ATRNL1: variants seen among roughly 807,000 people sequenced by gnomAD.
The protein encoded by ATRNL1 is attractin-like protein 1.
ATRNL1 carries 95 observed loss-of-function variants against 182.7 expected under a neutral mutation model. The ratio of observed to expected loss-of-function variants is 0.52; its 90% CI spans 0.44 to 0.62. The LOEUF is 0.62. Among genes scored for constraint, ATRNL1 ranks in the 20% least tolerant of loss-of-function variants. The probability of loss-of-function intolerance (pLI) is 0.00; values close to 1 mark genes in which losing one functional copy is unlikely to be tolerated. For missense variants in ATRNL1, 1,471 were observed against 1,679.5 expected (o/e 0.88, Z 2.17); for synonymous variants, 576 against 568.3 (o/e 1.01, Z -0.19).
chr10:115,411,531 A>G (rs1554959902), intron 20 of ATRNL1, among the ~76,000 whole-genome samples: 1 of 151,858 alleles, frequency 6.6e-6, no homozygotes, highest in African/African-American at 2.4e-5. Flanking sequence ...AAGGAGTATG[A>G]TTATCTCTTT....
intron 6 of ATRNL1, among the ~76,000 whole-genome samples, chr10:115,164,749 C>A (rs1846960068): frequency 6.6e-6 from 1 of 152,016 alleles, no homozygotes; most frequent in African/African-American, 2.4e-5. Flanking sequence ...CATGTCTTCA[C>A]TCAAATGTCA....
At chr10:115,336,969 C>T (rs1335528511) in intron 19 of ATRNL1, among the ~76,000 whole-genome samples, 1 of 49,602 alleles carries the variant, frequency 2.0e-5, no homozygotes, top group African/African-American at 6.5e-5. Flanking sequence ...CCTCAGCCTC[C>T]CAAGTAGCTG....
At chr10:115,135,090 G>A (rs1554876292) in intron 5 of ATRNL1, among the ~76,000 whole-genome samples, 3 of 152,036 alleles carry the variant, frequency 2.0e-5, no homozygotes, top group South Asian at 2.1e-4. Flanking sequence ...TACCGAATGG[G>A]CAAAAACTGG....
intron 26 of ATRNL1, among the ~76,000 whole-genome samples, chr10:115,590,654 C>CTTTT (rs1414193313): frequency 1.3e-5 from 2 of 152,126 alleles, no homozygotes; most frequent in Non-Finnish European, 2.9e-5. Flanking sequence ...CAGGAAGAAA[C>CTTTT]TCAAAAGTCT....
chr10:115,190,766 A>C (rs1431515106), intron 8 of ATRNL1, among the ~76,000 whole-genome samples: 4 of 152,078 alleles, frequency 2.6e-5, no homozygotes, highest in Admixed American at 2.6e-4. Context: ...CAACCTAATA[A>C]AAATATACAA....
At chr10:115,873,345 T>C (rs2134421595) in intron 28 of ATRNL1, among the ~76,000 whole-genome samples, 1 of 152,352 alleles carries the variant, frequency 6.6e-6, no homozygotes, top group East Asian at 1.9e-4. Context: ...CACAACCTAC[T>C]AAATTCATCC....
chr10:115,814,121 C>T (rs1565402236), intron 27 of ATRNL1, among the ~76,000 whole-genome samples: 2 of 152,130 alleles, frequency 1.3e-5, no homozygotes, highest in Non-Finnish European at 2.9e-5. Flanking sequence ...CACTCCCTGA[C>T]ATCACATAAA....
intron 26 of ATRNL1, among the ~76,000 whole-genome samples, chr10:115,689,230 C>G (rs1429948619): frequency 6.6e-6 from 1 of 152,104 alleles, no homozygotes; most frequent in African/African-American, 2.4e-5. Flanking sequence ...AAGTCAAGTA[C>G]TGTGATGGCT....
intron 26 of ATRNL1, among the ~76,000 whole-genome samples, chr10:115,560,423 T>C (rs1200556032): frequency 1.3e-5 from 2 of 152,124 alleles, no homozygotes; most frequent in Non-Finnish European, 2.9e-5. Context: ...AGGTGGGAAT[T>C]ATGGGAGCTA....
rs1953852067 is a variant in ATRNL1, at chr10:115,945,311, C to G, written c.*532C>G. 1 of 152,110 alleles carries G rather than the reference C, an allele frequency of 6.6e-6. No homozygotes were observed. The highest frequency in any genetic ancestry group is 1.5e-5 in the Non-Finnish European group (1 of 68,056). 9.4% of individuals were successfully genotyped at this position (152,110 alleles called of 1,614,324 possible). A position where few individuals can be genotyped will look rare whatever the true frequency, so the allele number is the denominator to read the frequency against. ...TAATGTATTTAAATATTTCATATGA[C>G]CATATCGTGTCCAAACTCAGTCTGA... On this transcript the variant is annotated 3_prime_UTR_variant, in exon 29 of 29. Transcript: ENST00000355044.
At chr10:115,130,176 T>A (rs1292614061) in intron 5 of ATRNL1, among the ~76,000 whole-genome samples, 1 of 152,138 alleles carries the variant, frequency 6.6e-6, no homozygotes, top group Non-Finnish European at 1.5e-5. Flanking sequence ...TTAAGAGATA[T>A]GCTTATACAT....
chr10:115,937,636 C>T (rs1240719313), intron 28 of ATRNL1, among the ~76,000 whole-genome samples: 1 of 152,204 alleles, frequency 6.6e-6, no homozygotes, highest in Non-Finnish European at 1.5e-5. Flanking sequence ...ATCAAAGTTT[C>T]CCAAAGTCAC....
At chr10:115,901,171 T>C (rs901845130) in intron 28 of ATRNL1, among the ~76,000 whole-genome samples, 7 of 152,208 alleles carry the variant, frequency 4.6e-5, no homozygotes, top group Non-Finnish European at 4.4e-5. Flanking sequence ...GGTCCTACTA[T>C]GTAAAAATTT....
chr10:115,627,942 C>T (rs565862804), intron 26 of ATRNL1, among the ~76,000 whole-genome samples: 15 of 151,986 alleles, frequency 9.9e-5, no homozygotes, highest in African/African-American at 3.6e-4. Flanking sequence ...GTCAGGAATT[C>T]GAGACCAGGC....
chr10:115,211,470 T>C (rs2144378060), intron 8 of ATRNL1, among the ~76,000 whole-genome samples: 1 of 152,054 alleles, frequency 6.6e-6, no homozygotes, highest in South Asian at 2.1e-4. Context: ...AAGGTTTTTT[T>C]CCTTGTCTTT....
chr10:115,170,891 C>A, intron 7 of ATRNL1, 146 bp from the exon 8 acceptor site: 1 of 420,052 alleles, frequency 2.4e-6, no homozygotes, highest in Non-Finnish European at 4.0e-6. Flanking sequence ...CATGTGTTCT[C>A]ATTACTTTTT....
intron 24 of ATRNL1, among the ~76,000 whole-genome samples, chr10:115,505,699 A>T (rs1850075366): frequency 6.6e-6 from 1 of 152,050 alleles, no homozygotes. Context: ...TTTTGCTCAA[A>T]AAAAGGCAAG....
At chr10:115,181,615 T>G (rs1314092533) in intron 8 of ATRNL1, among the ~76,000 whole-genome samples, 1 of 151,764 alleles carries the variant, frequency 6.6e-6, no homozygotes, top group Admixed American at 6.6e-5. Flanking sequence ...CATTTTGCTA[T>G]TTATCATTTT....
intron 26 of ATRNL1, among the ~76,000 whole-genome samples, chr10:115,575,330 A>G (rs1172219739): frequency 6.6e-6 from 1 of 152,212 alleles, no homozygotes; most frequent in African/African-American, 2.4e-5. Flanking sequence ...GCATTGCATT[A>G]AAGAATGTTC....
Sources: allele counts gnomAD v4.1 joint callset (sites outside exome capture counted in the v4.1 genomes callset), GRCh38; gene constraint gnomAD v4.1.1; transcripts MANE v1.5; gene names NCBI Gene and HGNC (gene_info 2026-07-23, HGNC 2026-07-21).